FOXN3: variants seen among roughly 807,000 people sequenced by gnomAD.
FOXN3 encodes the protein forkhead box N3, also known as forkhead box protein N3.
A neutral mutation model predicts 38.4 loss-of-function variants in FOXN3; 7 were observed. The observed-to-expected ratio is 0.18, with a 90% confidence interval of 0.10 to 0.34. The LOEUF is 0.34. Among genes scored for constraint, FOXN3 ranks in the 10% least tolerant of loss-of-function variants. The probability of loss-of-function intolerance (pLI) is 1.00; values close to 1 mark genes in which losing one functional copy is unlikely to be tolerated. For synonymous variants in FOXN3, 230 were observed against 242.2 expected (o/e 0.95, Z 0.47); for missense variants, 456 against 613.4 (o/e 0.74, Z 2.71).
chr14:89,408,934 G>C (rs1891460949), intron 2 of FOXN3, among the ~76,000 whole-genome samples: 1 of 152,146 alleles, frequency 6.6e-6, no homozygotes, highest in Admixed American at 6.5e-5. Context: ...TCACTGGGCA[G>C]AGTATCAGGG....
intron 3 of FOXN3, among the ~76,000 whole-genome samples, chr14:89,332,913 G>C (rs1239096282): frequency 6.6e-6 from 1 of 151,996 alleles, no homozygotes; most frequent in Non-Finnish European, 1.5e-5. Flanking sequence ...TTTAAAAATG[G>C]GTAAAGAACC....
intron 1 of FOXN3, among the ~76,000 whole-genome samples, chr14:89,473,685 C>A (rs1003815663): frequency 2.0e-5 from 3 of 152,148 alleles, no homozygotes; most frequent in African/African-American, 7.2e-5. Context: ...CACTCTTGAC[C>A]AACAGCTACA....
intron 4 of FOXN3, among the ~76,000 whole-genome samples, chr14:89,217,763 A>C (rs1043701208): frequency 2.6e-5 from 4 of 152,152 alleles, no homozygotes; most frequent in African/African-American, 9.7e-5. Flanking sequence ...CCAACAAACT[A>C]CCAAAGGGAA....
At chr14:89,252,880 G>C (rs1255771414) in intron 4 of FOXN3, among the ~76,000 whole-genome samples, 2 of 152,210 alleles carry the variant, frequency 1.3e-5, no homozygotes, top group African/African-American at 4.8e-5. Context: ...TCAACTGAGT[G>C]TGTGCACAAC....
At chr14:89,283,666 G>A (rs1361830658) in intron 3 of FOXN3, among the ~76,000 whole-genome samples, 3 of 151,980 alleles carry the variant, frequency 2.0e-5, no homozygotes, top group Non-Finnish European at 4.4e-5. Context: ...TCCATACCCA[G>A]CCATGTAAAT....
At chr14:89,179,026 G>A (rs1362476002) in intron 5 of FOXN3, among the ~76,000 whole-genome samples, 2 of 152,218 alleles carry the variant, frequency 1.3e-5, no homozygotes, top group African/African-American at 4.8e-5. Context: ...GAAAAACAGA[G>A]TATGTCTTTT....
intron 1 of FOXN3, among the ~76,000 whole-genome samples, chr14:89,437,562 G>A (rs1461410349): frequency 6.6e-6 from 1 of 152,194 alleles, no homozygotes; most frequent in Non-Finnish European, 1.5e-5. Context: ...TTCCCAGACA[G>A]TTAAGGCATT....
In FOXN3 at chr14:89,544,537, T is replaced by G. The variant is rs555809801; in HGVS notation, c.-15+74491A>C. 8.5e-5 allele frequency among the ~76,000 whole-genome samples: 13 copies of G among 152,290 alleles called. 1 individual carries two copies. The highest frequency in any genetic ancestry group is 3.1e-4 in the African/African-American group (13 of 41,552). The stretch of plus-strand genomic sequence containing the variant: ...TAAGGGTTCTGAGATCCCAACCTTA[T>G]GCTGTAGGGCGACAGAGAAAGGTAA... On this transcript the variant is annotated intron_variant, in intron 1 of 6. Transcript: ENST00000345097.
chr14:89,594,267 C>T (rs1896013380), intron 1 of FOXN3, among the ~76,000 whole-genome samples: 1 of 152,176 alleles, frequency 6.6e-6, no homozygotes, highest in African/African-American at 2.4e-5. Flanking sequence ...ATATGTTCAT[C>T]TTTTATTAGG....
At chr14:89,243,678 A>C (rs982949825) in intron 4 of FOXN3, among the ~76,000 whole-genome samples, 1 of 152,188 alleles carries the variant, frequency 6.6e-6, no homozygotes, top group African/African-American at 2.4e-5. Flanking sequence ...AAATACAGTA[A>C]ATTTGACATC....
intron 1 of FOXN3, among the ~76,000 whole-genome samples, chr14:89,437,407 A>G (rs947683326): frequency 2.0e-5 from 3 of 152,130 alleles, no homozygotes; most frequent in Non-Finnish European, 2.9e-5. Context: ...GGGGACAAAT[A>G]TCTCAACCTT....
chr14:89,465,630 G>A (rs1413930905), intron 1 of FOXN3, among the ~76,000 whole-genome samples: 1 of 152,212 alleles, frequency 6.6e-6, no homozygotes. Flanking sequence ...ACTCAAAAGA[G>A]ACTCCCTGAA....
chr14:89,198,206 C>A (rs564588489), intron 4 of FOXN3, among the ~76,000 whole-genome samples: 45 of 152,200 alleles, frequency 3.0e-4, no homozygotes, highest in African/African-American at 1.0e-3. Flanking sequence ...TTTTTCTTGT[C>A]ATTATTCCCC....
intron 1 of FOXN3, among the ~76,000 whole-genome samples, chr14:89,440,145 T>A (rs1346678395): frequency 6.6e-6 from 1 of 152,034 alleles, no homozygotes; most frequent in East Asian, 1.9e-4. Flanking sequence ...GCCATGGTTA[T>A]CCAGCTAAGA....
intron 1 of FOXN3, among the ~76,000 whole-genome samples, chr14:89,452,065 G>C (rs1322676252): frequency 6.6e-6 from 1 of 152,102 alleles, no homozygotes; most frequent in Non-Finnish European, 1.5e-5. Flanking sequence ...ATTCCCTAGG[G>C]TCTAAAAACC....
At chr14:89,545,730 C>T (rs576707776) in intron 1 of FOXN3, among the ~76,000 whole-genome samples, 8 of 152,268 alleles carry the variant, frequency 5.3e-5, no homozygotes, top group Non-Finnish European at 8.8e-5. Context: ...AAAAAGAGGC[C>T]TAATGGGTAT....
intron 4 of FOXN3, among the ~76,000 whole-genome samples, chr14:89,227,047 G>A (rs1171184079): frequency 6.6e-6 from 1 of 152,214 alleles, no homozygotes; most frequent in Non-Finnish European, 1.5e-5. Context: ...AAACTAACAT[G>A]CTAAGCAAAC....
At chr14:89,597,620 G>C (rs1896083981) in intron 1 of FOXN3, among the ~76,000 whole-genome samples, 1 of 152,052 alleles carries the variant, frequency 6.6e-6, no homozygotes, top group Admixed American at 6.6e-5. Flanking sequence ...GTGTGTGTGA[G>C]AGAGAGAGAC....
intron 1 of FOXN3, among the ~76,000 whole-genome samples, chr14:89,429,687 G>A (rs543902922): frequency 6.6e-6 from 1 of 152,204 alleles, no homozygotes; most frequent in South Asian, 2.1e-4. Context: ...GGGAACAGGC[G>A]GCCCCAGCAA....
Sources: gnomAD v4.1 joint callset for allele counts (sites outside exome capture counted in the v4.1 genomes callset) on GRCh38, gnomAD v4.1.1 for gene constraint, MANE v1.5 for transcripts, NCBI Gene and HGNC (gene_info 2026-07-23, HGNC 2026-07-21) for gene names.